Variants in ARHGEF4 observed in about 807,000 individuals in gnomAD.
The protein encoded by ARHGEF4 is Rho guanine nucleotide exchange factor 4, also known as APC-stimulated guanine nucleotide exchange factor 1.
A neutral mutation model predicts 162.0 loss-of-function variants in ARHGEF4; 119 were observed. The ratio of observed to expected loss-of-function variants is 0.73; its 90% CI spans 0.63 to 0.86. The LOEUF (loss-of-function observed/expected upper bound fraction) is 0.86. Ranked by LOEUF, ARHGEF4 falls within the 40% of genes least tolerant of loss-of-function variation. The pLI is 0.00. For missense variants in ARHGEF4, 2,488 were observed against 2,456.0 expected, an observed-to-expected ratio of 1.01 and a Z score of -0.28; for synonymous variants, 1,014 against 979.9, an observed-to-expected ratio of 1.03 and a Z score of -0.65.
rs35136790 is a variant in ARHGEF4, at chr2:130,971,655, CAAAAAAAAAA to C, written c.3985+25032_3985+25041del. On this transcript the variant is annotated intron_variant, in intron 4 of 13. Coordinates refer to ENST00000409359, the MANE Select transcript of ARHGEF4 (RefSeq NM_001367493.1). The stretch of plus-strand genomic sequence containing the variant: ...CCTGGGCAACAGTGGGAGACTGTCT[CAAAAAAAAAA>C]AAAAAAAAAAAGAATCAACTTGTCA... 3.0e-5 allele frequency among the ~76,000 whole-genome samples: 3 copies of C among 101,354 alleles called. No homozygotes were observed. In the Admixed American group the frequency reaches 3.5e-4, roughly 12 times the overall value. The allele number at this position is 101,354 out of a possible 152,430, so 66.5% of individuals were successfully genotyped here.
At chr2:130,880,016 C>T (rs1010224523) in intron 1 of ARHGEF4, among the ~76,000 whole-genome samples, 9 of 152,146 alleles carry the variant, frequency 5.9e-5, no homozygotes, top group African/African-American at 2.2e-4. Flanking sequence ...TTCCTTGGGT[C>T]GAGTCCATGT....
chr2:130,969,221 G>T (rs1317888568), intron 4 of ARHGEF4, among the ~76,000 whole-genome samples: 1 of 152,138 alleles, frequency 6.6e-6, no homozygotes, highest in African/African-American at 2.4e-5. Context: ...TGTACTAAAA[G>T]TGGAAAAACA....
At chr2:131,010,755 G>A (rs1688398050) in intron 4 of ARHGEF4, among the ~76,000 whole-genome samples, 1 of 152,222 alleles carries the variant, frequency 6.6e-6, no homozygotes, top group South Asian at 2.1e-4. Flanking sequence ...CTTTGATGCT[G>A]TGGGTGAGGC....
chr2:130,916,256 C>A lies in ARHGEF4; in HGVS notation c.2310C>A (p.Pro770=). The A allele has an allele frequency of 1.3e-6, 2 of 1,523,664 alleles. No homozygotes were observed. Among genetic ancestry groups the A allele is most frequent in the Non-Finnish European group, 1.8e-6 (2 of 1,138,222 alleles). The allele number at this position is 1,523,664 out of a possible 1,614,324, so 94.4% of individuals were successfully genotyped here. The change falls in exon 2 of 14, where the codon CCC becomes CCA. Residue 770 remains proline, a synonymous_variant. Transcript: ENST00000409359. Reference sequence around the variant, plus strand: ...CCCGGGGCCAGCGCCCCCGCGTCCCCGCCTTGGAGCCGCCCCAGCCGCCAC... The same window carrying A: ...CCCGGGGCCAGCGCCCCCGCGTCCCAGCCTTGGAGCCGCCCCAGCCGCCAC... ...AAARGQRPRV[P]ALEPPQPPRG...
At chr2:130,994,405 CAT>C (rs2105293049) in intron 4 of ARHGEF4, among the ~76,000 whole-genome samples, 1 of 152,220 alleles carries the variant, frequency 6.6e-6, no homozygotes, top group East Asian at 1.9e-4. Context: ...GAAATTAAAT[CAT>C]GTGGGCAGAC....
At position 130,915,029 on chromosome 2, in the gene ARHGEF4, C is replaced by G; in HGVS notation, c.1083C>G (p.Thr361=). The G allele has an allele frequency of 6.4e-7, 1 of 1,550,642 alleles. No homozygotes were observed. The highest frequency in any genetic ancestry group is 8.7e-7 in the Non-Finnish European group (1 of 1,147,018). The change falls in exon 2 of 14, where the codon ACC becomes ACG. Residue 361 remains threonine (T), a synonymous_variant. Transcript: ENST00000409359. ...GACAGAATGTTGTGAAGTCTGGGAC[C>G]CATGTGAAGGAAGGGGCCAAAAATG... ...PVGQNVVKSG[T]HVKEGAKNER...
At chr2:131,008,333 A>G (rs940160404) in intron 4 of ARHGEF4, among the ~76,000 whole-genome samples, 1 of 152,120 alleles carries the variant, frequency 6.6e-6, no homozygotes, top group Non-Finnish European at 1.5e-5. Context: ...TTGGATCAAC[A>G]TATTTGTTCT....
Position 130,916,559 on chromosome 2 carries a change from G to C in ARHGEF4, c.2613G>C (p.Pro871=), listed in dbSNP as rs759552220. The change falls in exon 2 of 14, where the codon CCG becomes CCC. Residue 871 remains proline (P), a synonymous_variant. Transcript: ENST00000409359. ...CTGCAGGCGACAGGACTGCAGGGCC[G>C]GCAGGAGCGGGGCACACGGGGACCT... is the stretch of plus-strand genomic sequence containing the variant. ...PQAAGDRTAG[P]AGAGHTGTSG... is the part of the protein sequence containing the mutation. 1 of 1,550,218 alleles carries C rather than the reference G, an allele frequency of 6.5e-7. No homozygotes were observed. The highest frequency in any genetic ancestry group is 8.7e-7 in the Non-Finnish European group (1 of 1,146,934).
At chr2:130,925,085 TGA>T (rs138553262) in intron 2 of ARHGEF4, among the ~76,000 whole-genome samples, 322 of 135,656 alleles carry the variant, frequency 2.4e-3, no homozygotes, top group African/African-American at 5.5e-3. Context: ...TGTGTGCGTC[TGA>T]GAGAGAGAGA....
chr2:130,857,244 A>C (rs1681862958), intron 1 of ARHGEF4, among the ~76,000 whole-genome samples: 1 of 149,122 alleles, frequency 6.7e-6, no homozygotes, highest in Non-Finnish European at 1.5e-5. Flanking sequence ...AAAAATAAAA[A>C]AATAAAAAAG....
rs1165782822 is a variant in ARHGEF4, at chr2:130,946,512, T to G, written c.3862T>G (p.Trp1288Gly). The G allele has an allele frequency of 6.2e-7, 1 of 1,610,590 alleles. No homozygotes were observed. The highest frequency in any genetic ancestry group is 2.2e-5 in the East Asian group (1 of 44,820). ...TGTCTCTTTCCTCCTCTTCCAGTGC[T>G]GGAGAAAGACGATCATTACCTCTCC... ...GAVHKDGVKC[W>G]RKTIITSPES... The change falls in exon 4 of 14, where the codon TGG becomes GGG. Residue 1288 changes from tryptophan to glycine, a missense_variant. Coordinates refer to ENST00000409359, the MANE Select transcript of ARHGEF4 (RefSeq NM_001367493.1).
intron 3 of ARHGEF4, among the ~76,000 whole-genome samples, chr2:130,936,019 C>G (rs906692708): frequency 1.3e-5 from 2 of 152,102 alleles, no homozygotes; most frequent in African/African-American, 4.8e-5. Context: ...GAGCCAAGAT[C>G]ATGCCATTGC....
intron 1 of ARHGEF4, among the ~76,000 whole-genome samples, chr2:130,903,215 T>G (rs1680601570): frequency 6.6e-6 from 1 of 151,718 alleles, no homozygotes; most frequent in Non-Finnish European, 1.5e-5. Flanking sequence ...CTGCTGGTTT[T>G]GTTTTGTTTT....
chr2:131,000,718 G>A (rs1480905637), intron 4 of ARHGEF4, among the ~76,000 whole-genome samples: 2 of 151,906 alleles, frequency 1.3e-5, no homozygotes, highest in Admixed American at 6.6e-5. Flanking sequence ...AATTGAATGA[G>A]AAACTGAAGC....
intron 1 of ARHGEF4, among the ~76,000 whole-genome samples, chr2:130,891,646 C>T (rs759579056): frequency 7.2e-5 from 11 of 152,334 alleles, no homozygotes; most frequent in Middle Eastern, 3.4e-3. Flanking sequence ...TTGCAGACGG[C>T]CGCCTTCTGA....
chr2:130,971,655 C>CAAAAAAAAA (rs35136790), intron 4 of ARHGEF4, among the ~76,000 whole-genome samples: 1 of 101,354 alleles, frequency 9.9e-6, no homozygotes, highest in Non-Finnish European at 1.8e-5. Flanking sequence ...GAGACTGTCT[C>CAAAAAAAAA]AAAAAAAAAA....
rs1000500985 is a variant in ARHGEF4, at chr2:130,917,485, T to G, written c.3539T>G (p.Leu1180Arg). 6.5e-7 allele frequency: 1 copy of G among 1,549,316 alleles called. No individual in the cohort carries two copies. The highest frequency in any genetic ancestry group is 8.7e-7 in the Non-Finnish European group (1 of 1,146,492). Residue 1180 changes from leucine (L) to arginine (R), a missense_variant, in exon 2 of 14, where the codon CTT (leucine) becomes CGT (arginine). Coordinates refer to ENST00000409359, the MANE Select transcript of ARHGEF4 (RefSeq NM_001367493.1). ...GLGTVPWLRDLPGSENHMPWE... is the reference protein window; with the variant it reads ...GLGTVPWLRDRPGSENHMPWE... ...GGCACAGTGCCCTGGCTCAGGGACC[T>G]TCCTGGGAGTGAGGTGAGTATCTGA... is the stretch of plus-strand genomic sequence containing the variant.
At chr2:131,028,872 G>A (rs1689650472) in intron 5 of ARHGEF4, among the ~76,000 whole-genome samples, 2 of 152,172 alleles carry the variant, frequency 1.3e-5, no homozygotes, top group African/African-American at 4.8e-5. Flanking sequence ...GACAACCCAG[G>A]ATCTTATAGC....
intron 4 of ARHGEF4, among the ~76,000 whole-genome samples, chr2:131,013,460 T>C (rs1384757720): frequency 6.6e-6 from 1 of 152,116 alleles, no homozygotes; most frequent in Non-Finnish European, 1.5e-5. Flanking sequence ...AAAACTAATA[T>C]CCACATGCCC....
Sources: gnomAD v4.1 joint callset for allele counts (sites outside exome capture counted in the v4.1 genomes callset) on GRCh38, gnomAD v4.1.1 for gene constraint, MANE v1.5 for transcripts, NCBI Gene and HGNC (gene_info 2026-07-23, HGNC 2026-07-21) for gene names.